Variants in NKTR observed in about 807,000 individuals in gnomAD.
The protein encoded by NKTR is natural killer cell triggering receptor.
In NKTR, 67 loss-of-function variants were observed where a neutral mutation model predicts 156.3. The observed-to-expected ratio is 0.43, with a 90% CI of 0.35 to 0.53. The LOEUF (loss-of-function observed/expected upper bound fraction) is 0.53. Ranked by LOEUF, NKTR falls within the 20% of genes least tolerant of loss-of-function variation. The probability of loss-of-function intolerance (pLI) is 0.01; values close to 1 mark genes in which losing one functional copy is unlikely to be tolerated. For synonymous variants in NKTR, 640 were observed against 596.6 expected (o/e 1.07, Z -1.06); for missense variants, 1,604 against 1,730.9 (o/e 0.93, Z 1.30).
At chr3:42,643,793 C>A in intron 15 of NKTR, 109 bp from the exon 16 acceptor site, 1 of 734,766 alleles carries the variant, frequency 1.4e-6, no homozygotes, top group Non-Finnish European at 2.4e-6. Flanking sequence ...CATGCTGTCA[C>A]CTAGTGCCCA....
chr3:42,615,935 G>A (rs957796729), intron 2 of NKTR, among the ~76,000 whole-genome samples: 1 of 151,596 alleles, frequency 6.6e-6, no homozygotes, highest in African/African-American at 2.4e-5. Flanking sequence ...CCTCCTTTTT[G>A]CTTGCTTTCC....
chr3:42,635,057 TAA>T (rs58779310), intron 11 of NKTR, 162 bp from the exon 12 acceptor site: 44,271 of 283,058 alleles, frequency 0.16, 2,735 homozygotes, highest in African/African-American at 0.32. Context: ...AGTTAAAAAC[TAA>T]AAAAAAAAAA....
At chr3:42,628,654 T>G in intron 6 of NKTR, 1 of 985,450 alleles carries the variant, frequency 1.0e-6, no homozygotes, top group Non-Finnish European at 1.2e-6. Context: ...ACATCGTTTT[T>G]ACTTCTAAAT....
chr3:42,645,526 TAAA>T (rs1216726762), intron 16 of NKTR, among the ~76,000 whole-genome samples: 1 of 151,602 alleles, frequency 6.6e-6, no homozygotes, highest in African/African-American at 2.4e-5. Flanking sequence ...CTCTACTAAA[TAAA>T]AAAAATTAGC....
chr3:42,626,929 A>C (rs1559570129), intron 6 of NKTR, among the ~76,000 whole-genome samples: 1 of 152,120 alleles, frequency 6.6e-6, no homozygotes, highest in Non-Finnish European at 1.5e-5. Context: ...TAATATGTTA[A>C]TAGCTATTAT....
At chr3:42,625,242 A>G (rs1473946675) in intron 6 of NKTR, among the ~76,000 whole-genome samples, 2 of 152,162 alleles carry the variant, frequency 1.3e-5, no homozygotes, top group African/African-American at 2.4e-5. Flanking sequence ...CTGTTAGAAC[A>G]TGAGTCTGCG....
rs186072881 is a variant in NKTR at position 42,637,549 on chromosome 3, C to A, written c.1845C>A (p.Pro615=). 3 of 1,613,970 alleles carry A rather than the reference C, an allele frequency of 1.9e-6. No homozygotes were observed. The highest frequency in any genetic ancestry group is 4.5e-5 in the East Asian group (2 of 44,882). ...TAATACCACTGAGTGACAGTCCCCCCCCTTCAAGATGGAAGCCTGGACAGA... is the reference window on the plus strand; with the variant it reads ...TAATACCACTGAGTGACAGTCCCCCACCTTCAAGATGGAAGCCTGGACAGA... ...IPVIPLSDSP[P]PSRWKPGQKP... The change falls in exon 13 of 17, where the codon CCC becomes CCA. Residue 615 remains proline, a synonymous_variant. Transcript: ENST00000232978.
At position 42,646,180 on chromosome 3, in the gene NKTR, T is replaced by C. The variant is rs1388314721; in HGVS notation, c.*205T>C. Reference sequence around the variant, plus strand: ...CTAAAAATATTTTTATGCCACATTTTACAGTAGCCAACTATGGAAATGAAT... The same window carrying C: ...CTAAAAATATTTTTATGCCACATTTCACAGTAGCCAACTATGGAAATGAAT... On this transcript the variant is annotated 3_prime_UTR_variant, in exon 17 of 17. Coordinates refer to ENST00000232978, the MANE Select transcript of NKTR (RefSeq NM_005385.4). The C allele has an allele frequency of 4.7e-6, 2 of 423,558 alleles. No individual in the cohort carries two copies. The highest frequency in any genetic ancestry group is 8.7e-6 in the Non-Finnish European group (2 of 228,948). The allele number at this position is 423,558 out of a possible 1,614,324, so 26.2% of individuals were successfully genotyped here.
intron 15 of NKTR, 55 bp from the exon 16 acceptor site, chr3:42,643,846 GA>G (rs1283719396): frequency 2.4e-6 from 3 of 1,225,666 alleles, no homozygotes; most frequent in Non-Finnish European, 3.6e-6. Flanking sequence ...AAAGAAATAG[GA>G]ACATATGAGT....
intron 6 of NKTR, among the ~76,000 whole-genome samples, chr3:42,624,503 G>GACT (rs1708197401): frequency 6.6e-6 from 1 of 151,992 alleles, no homozygotes; most frequent in Non-Finnish European, 1.5e-5. Flanking sequence ...TAAAGTCATA[G>GACT]AGTGGAAAGG....
chr3:42,606,286 T>A lies in NKTR; in HGVS notation c.58+5222T>A, dbSNP rs79127320. On this transcript the variant is annotated intron_variant, in intron 2 of 16. Transcript: ENST00000232978. Reference sequence around the variant, plus strand: ...CATTTTTATATGGAAATAGTTATTTTTATATGTGATTTTCGATAATGCAGT... The same window carrying A: ...CATTTTTATATGGAAATAGTTATTTATATATGTGATTTTCGATAATGCAGT... 7.7e-3 allele frequency among the ~76,000 whole-genome samples: 1,170 copies of A among 152,344 alleles called. 103 individuals carry two copies. In the East Asian group the frequency reaches 0.19, roughly 24 times the overall value.
chr3:42,602,601 T>C (rs1705629108), intron 2 of NKTR: 1 of 150,526 alleles, frequency 6.6e-6, no homozygotes, highest in African/African-American at 2.5e-5. Flanking sequence ...CTTCTCTCTC[T>C]TTTTAATGTT....
Position 42,638,083 on chromosome 3 carries a change from A to G in NKTR, c.2379A>G (p.Ser793=), listed in dbSNP as rs752060873. The stretch of plus-strand genomic sequence containing the variant: ...ATGTCAAAGGTAGAGACAGGTCTTC[A>G]TGTGTGAGAAAGTATAGCGAGAGCA... ...SKYVKGRDRS[S]CVRKYSESRS... The change falls in exon 13 of 17, where the codon TCA becomes TCG. Residue 793 remains serine, a synonymous_variant. Transcript: ENST00000232978. 1.9e-6 allele frequency: 3 copies of G among 1,614,174 alleles called. No homozygotes were observed. Among genetic ancestry groups the G allele is most frequent in the Non-Finnish European group, 1.7e-6 (2 of 1,180,030 alleles).
intron 2 of NKTR, among the ~76,000 whole-genome samples, chr3:42,610,732 T>C (rs2125768148): frequency 6.6e-6 from 1 of 152,234 alleles, no homozygotes; most frequent in South Asian, 2.1e-4. Context: ...TTTTATATCA[T>C]CTCTCCCAGG....
At chr3:42,640,905 C>T (rs1480208952) in intron 13 of NKTR, among the ~76,000 whole-genome samples, 1 of 152,188 alleles carries the variant, frequency 6.6e-6, no homozygotes, top group Non-Finnish European at 1.5e-5. Context: ...TGAGCGACTC[C>T]AGCTTCCTGT....
chr3:42,610,739 C>A (rs1485363566), intron 2 of NKTR, among the ~76,000 whole-genome samples: 3 of 152,002 alleles, frequency 2.0e-5, no homozygotes, highest in Non-Finnish European at 4.4e-5. Context: ...TCATCTCTCC[C>A]AGGCTTTGGT....
chr3:42,643,218 A>G, intron 14 of NKTR, 121 bp from the exon 15 acceptor site: 2 of 734,106 alleles, frequency 2.7e-6, no homozygotes, highest in South Asian at 2.0e-5. Context: ...AAACAAAACA[A>G]ATGTAGCTGT....
At position 42,643,365 on chromosome 3, in the gene NKTR, G is replaced by C; in HGVS notation, c.4169G>C (p.Ser1390Thr). ...ACGTCCAGCAGGAGCAGATCCAGGAGCAGCTCATATGATCCCCACAGTCGA... is the reference window on the plus strand; with the variant it reads ...ACGTCCAGCAGGAGCAGATCCAGGACCAGCTCATATGATCCCCACAGTCGA... ...HRTSSRSRSR[S>T]SSYDPHSRSR... is the part of the protein sequence containing the mutation. The change falls in exon 15 of 17, where the codon AGC becomes ACC. Residue 1390 changes from serine (S) to threonine (T), a missense_variant. By Grantham distance (58) the Ser-to-Thr change is moderately conservative. This residue lies in a region of NKTR where 193 missense variants were observed against 220.2 expected (regional missense o/e 0.88). Transcript: ENST00000232978. The C allele has an allele frequency of 6.2e-7, 1 of 1,614,124 alleles. No homozygotes were observed. The highest frequency in any genetic ancestry group is 8.5e-7 in the Non-Finnish European group (1 of 1,179,962).
In NKTR at chr3:42,604,659, C is replaced by CTTTTTTTTTTTTT. The variant is rs71072726; in HGVS notation, c.58+3622_58+3634dup. 5.1e-4 allele frequency among the ~76,000 whole-genome samples: 23 copies of CTTTTTTTTTTTTT among 45,294 alleles called. 6 individuals are homozygous for CTTTTTTTTTTTTT. Among genetic ancestry groups the CTTTTTTTTTTTTT allele is most frequent in the East Asian group, 9.7e-4 (2 of 2,072 alleles). The allele number at this position is 45,294 out of a possible 152,430, so 29.7% of individuals were successfully genotyped here. ...AATTGTGGATTTATCTATTTCTCTC[C>CTTTTTTTTTTTTT]TTTTTTTTTTTTTTTTTTTTTTTTT... On this transcript the variant is annotated intron_variant, in intron 2 of 16. Transcript: ENST00000232978.
Sources: gnomAD v4.1 joint callset for allele counts (sites outside exome capture counted in the v4.1 genomes callset) on GRCh38, gnomAD v4.1.1 for gene constraint, gnomAD v4.1.1 regional missense constraint, MANE v1.5 for transcripts, NCBI Gene and HGNC (gene_info 2026-07-23, HGNC 2026-07-21) for gene names.